MTM1: variants seen among roughly 807,000 people sequenced by gnomAD.
The protein encoded by MTM1 is myotubularin.
Under a neutral mutation model 52.1 loss-of-function variants are expected in MTM1, and 9 were observed. The ratio of observed to expected loss-of-function variants is 0.17; its 90% CI spans 0.10 to 0.30. The LOEUF is 0.30. MTM1 is among the 10% of genes least tolerant of loss of function. MTM1 has a pLI of 1.00. For synonymous variants in MTM1, 136 were observed against 163.8 expected (o/e 0.83, Z 1.29); for missense variants, 277 against 470.7 (o/e 0.59, Z 3.81).
intron 4 of MTM1, among the ~76,000 whole-genome samples, chrX:150,604,616 C>T (rs1445745837): frequency 2.7e-5 from 3 of 111,139 alleles, no homozygotes; most frequent in Non-Finnish European, 3.8e-5. Flanking sequence ...ATCCCCACTT[C>T]TCTGTAGACT....
intron 9 of MTM1, among the ~76,000 whole-genome samples, chrX:150,647,517 C>A (rs1308986312): frequency 1.8e-5 from 2 of 111,381 alleles, no homozygotes; most frequent in African/African-American, 3.3e-5. Context: ...TGTGTCTCTC[C>A]GCTAGTCGCT....
chrX:150,634,417 A>G, intron 6 of MTM1, among the ~76,000 whole-genome samples: 1 of 112,601 alleles, frequency 8.9e-6, no homozygotes, highest in Middle Eastern at 4.6e-3. Flanking sequence ...TTGTCATTTC[A>G]GAGACTTTAC....
At chrX:150,604,922 G>A (rs144193482) in intron 4 of MTM1, among the ~76,000 whole-genome samples, 303 of 110,629 alleles carry the variant, frequency 2.7e-3, no homozygotes, top group Non-Finnish European at 4.2e-3. Context: ...TACACCCCGT[G>A]CTTTGGCTCC....
chrX:150,593,199 A>G (rs1569565375), intron 2 of MTM1, among the ~76,000 whole-genome samples: 1 of 112,040 alleles, frequency 8.9e-6, no homozygotes. Context: ...TTACATTTGT[A>G]AATCCTTTCA....
intron 1 of MTM1, among the ~76,000 whole-genome samples, chrX:150,591,327 C>T (rs782127199): frequency 1.0e-3 from 112 of 111,888 alleles, no homozygotes; most frequent in African/African-American, 3.4e-3. Context: ...GTATATTTGC[C>T]GCATAATCAT....
At chrX:150,623,859 A>C (rs2039523041) in intron 6 of MTM1, among the ~76,000 whole-genome samples, 1 of 111,466 alleles carries the variant, frequency 9.0e-6, no homozygotes, top group Admixed American at 9.5e-5. Context: ...TCACTTTGTT[A>C]ATATTATTGG....
intron 14 of MTM1, among the ~76,000 whole-genome samples, chrX:150,669,225 C>T (rs1464110718): frequency 8.9e-6 from 1 of 112,305 alleles, no homozygotes; most frequent in Non-Finnish European, 1.9e-5. Flanking sequence ...CTTTTTATGG[C>T]TGCATAGTAT....
intron 8 of MTM1, among the ~76,000 whole-genome samples, chrX:150,643,909 G>A (rs782635750): frequency 9.0e-6 from 1 of 111,185 alleles, no homozygotes; most frequent in South Asian, 3.8e-4. Flanking sequence ...AACATTATTT[G>A]TACCTGTTTA....
chrX:150,581,342 A>G (rs2148406068), intron 1 of MTM1, among the ~76,000 whole-genome samples: 2 of 112,277 alleles, frequency 1.8e-5, no homozygotes, highest in South Asian at 7.3e-4. Context: ...TAACTCAGCT[A>G]TATATGATCT....
intron 4 of MTM1, among the ~76,000 whole-genome samples, chrX:150,605,053 C>T (rs1557412805): frequency 9.0e-6 from 1 of 111,394 alleles, no homozygotes. Context: ...CATTTGCCCC[C>T]GACTCCTCTT....
intron 3 of MTM1, among the ~76,000 whole-genome samples, chrX:150,597,991 G>A (rs1557412642): frequency 9.0e-6 from 1 of 111,217 alleles, no homozygotes; most frequent in African/African-American, 3.3e-5. Context: ...GGAGGCTGAG[G>A]TGGGAGGATT....
At chrX:150,592,073 C>T (rs1194552052) in intron 1 of MTM1, among the ~76,000 whole-genome samples, 1 of 112,364 alleles carries the variant, frequency 8.9e-6, no homozygotes, top group African/African-American at 3.2e-5. Context: ...CTAGAAAATA[C>T]TGATTAAATC....
rs1337574731 is a variant in MTM1 at position 150,591,299 on chromosome X, A to G, written c.-10-1306A>G. On this transcript the variant is annotated intron_variant, in intron 1 of 14. Coordinates refer to ENST00000370396, the MANE Select transcript of MTM1 (RefSeq NM_000252.3). ...AACTAGTATACATGTTTGCCCCATCATGACATTTCACAGTATTGTATATTT... is the reference window on the plus strand; with the variant it reads ...AACTAGTATACATGTTTGCCCCATCGTGACATTTCACAGTATTGTATATTT... Among the ~76,000 whole-genome samples the G allele has an allele frequency of 2.7e-5, 3 of 111,837 alleles. No individual in the cohort carries two copies. In the East Asian group the frequency reaches 8.4e-4, roughly 31 times the overall value.
At chrX:150,612,981 T>TA (rs74917014) in intron 4 of MTM1, among the ~76,000 whole-genome samples, 21,296 of 97,198 alleles carry the variant, frequency 0.22, 2,042 homozygotes, top group African/African-American at 0.31. Context: ...GAGACTCATC[T>TA]AAAAAAAAAA....
chrX:150,568,288 G>A (rs1212545202), upstream of MTM1, among the ~76,000 whole-genome samples: 3 of 113,256 alleles, frequency 2.6e-5, no homozygotes, highest in African/African-American at 9.6e-5. Flanking sequence ...ACGCTTCCCA[G>A]CCGCCTCCGC....
intron 1 of MTM1, among the ~76,000 whole-genome samples, chrX:150,586,535 C>T (rs1364137573): frequency 1.8e-5 from 2 of 110,722 alleles, no homozygotes; most frequent in Non-Finnish European, 3.8e-5. Flanking sequence ...AACCTGTGTG[C>T]AGAATGGTTA....
Position 150,660,352 on chromosome X carries a change from T to C in MTM1, c.1354-19T>C. 1 of 994,788 alleles carries C rather than the reference T, an allele frequency of 1.0e-6. No homozygotes were observed. Among genetic ancestry groups the C allele is most frequent in the Non-Finnish European group, 1.4e-6 (1 of 698,987 alleles). The allele number at this position is 994,788 out of a possible 1,213,427, so 82.0% of individuals were successfully genotyped here. A position where few individuals can be genotyped will look rare whatever the true frequency, so the allele number is the denominator to read the frequency against. ...TTCAGTCCCAGTTTTTCATGCTTTG[T>C]TTGCTTGTTTTTGTTTAGTTCCCTA... On this transcript the variant is annotated intron_variant, in intron 12 of 14. Coordinates refer to ENST00000370396, the MANE Select transcript of MTM1 (RefSeq NM_000252.3).
upstream of MTM1, among the ~76,000 whole-genome samples, chrX:150,564,786 C>T (rs1406718930): frequency 2.7e-5 from 3 of 111,936 alleles, no homozygotes; most frequent in Admixed American, 9.5e-5. Flanking sequence ...TAGTATTGCT[C>T]GGCCATATGT....
intron 1 of MTM1, among the ~76,000 whole-genome samples, chrX:150,572,750 C>A (rs1557411496): frequency 8.9e-6 from 1 of 112,413 alleles, no homozygotes. Flanking sequence ...AAAAAGCGAT[C>A]CAGGCTCTGG....
Sources: gnomAD v4.1 joint callset for allele counts (sites outside exome capture counted in the v4.1 genomes callset) on GRCh38, gnomAD v4.1.1 for gene constraint, MANE v1.5 for transcripts, NCBI Gene and HGNC (gene_info 2026-07-23, HGNC 2026-07-21) for gene names.